Variants in STOX2 observed in about 807,000 individuals in gnomAD.
STOX2 encodes storkhead-box protein 2.
STOX2 carries 28 observed loss-of-function variants against 60.9 expected under a neutral mutation model. The observed-to-expected ratio is 0.46, with a 90% CI of 0.34 to 0.63. STOX2 has a LOEUF of 0.63. STOX2 is among the 30% of genes least tolerant of loss of function. The pLI is 0.01. For missense variants in STOX2, 1,024 were observed against 1,187.7 expected (o/e 0.86, Z 2.03); for synonymous variants, 472 against 463.9 (o/e 1.02, Z -0.22).
intron 1 of STOX2, among the ~76,000 whole-genome samples, chr4:183,867,956 T>A (rs1487159322): frequency 1.3e-5 from 2 of 152,196 alleles, no homozygotes. Context: ...TTCCCTCTGC[T>A]TTTTTATTCC....
At chr4:183,840,919 G>T (rs1739843510) in intron 1 of STOX2, among the ~76,000 whole-genome samples, 1 of 152,120 alleles carries the variant, frequency 6.6e-6, no homozygotes, top group Non-Finnish European at 1.5e-5. Flanking sequence ...CCAGGCTGGA[G>T]TGCTGTGGCG....
chr4:184,011,007 C>T lies in STOX2; in HGVS notation c.2169C>T (p.Leu723=), dbSNP rs1734137369. The T allele has an allele frequency of 1.2e-6, 2 of 1,613,482 alleles. No individual in the cohort carries two copies. Among genetic ancestry groups the T allele is most frequent in the South Asian group, 2.2e-5 (2 of 90,912 alleles). ...GCTATCACAAGTCGAGCCTGTCCCT[C>T]CTCAAATCTCACCCGAAGACACCTG... The part of the protein sequence containing the change: ...VNSYHKSSLS[L]LKSHPKTPAD... The change falls in exon 3 of 4, where the codon CTC becomes CTT. Residue 723 remains leucine (L), a synonymous_variant. Coordinates refer to ENST00000308497, the MANE Select transcript of STOX2 (RefSeq NM_020225.3). This position sits in a 1 kb window ranked among gnomAD's most constrained non-coding sequence, Gnocchi z 4.4.
At chr4:183,839,058 C>T (rs1739786041) in intron 1 of STOX2, among the ~76,000 whole-genome samples, 1 of 152,066 alleles carries the variant, frequency 6.6e-6, no homozygotes, top group African/African-American at 2.4e-5. Flanking sequence ...TGCACACACA[C>T]ACACACACAC....
chr4:183,806,821 A>C lies in STOX2; in HGVS notation c.364+8766A>C, dbSNP rs1400441096. ...AACAAACATTTATGTGTTCGTGTTC[A>C]GGACGGTAGGGCCCAGGACATGCCC... On this transcript the variant is annotated intron_variant, in intron 1 of 2. Coordinates refer to the STOX2 transcript ENST00000513034. This position sits in a 1 kb window ranked among gnomAD's most constrained non-coding sequence, Gnocchi z 4.1. 6.6e-6 allele frequency among the ~76,000 whole-genome samples: 1 copy of C among 152,028 alleles called. No individual in the cohort carries two copies. Among genetic ancestry groups the C allele is most frequent in the Non-Finnish European group, 1.5e-5 (1 of 68,034 alleles).
chr4:183,802,970 C>T (rs1040099133), intron 1 of STOX2, among the ~76,000 whole-genome samples: 1 of 152,100 alleles, frequency 6.6e-6, no homozygotes. Context: ...TGAGACTGGG[C>T]AATTTACAAA....
At chr4:183,916,973 G>C (rs369510854) in intron 1 of STOX2, among the ~76,000 whole-genome samples, 1 of 152,138 alleles carries the variant, frequency 6.6e-6, no homozygotes, top group African/African-American at 2.4e-5. Flanking sequence ...CACTTCTTGC[G>C]CACCTCTGAA....
chr4:183,932,405 T>G (rs1321762753), intron 1 of STOX2, among the ~76,000 whole-genome samples: 5 of 74,540 alleles, frequency 6.7e-5, no homozygotes, highest in Non-Finnish European at 1.3e-4. Flanking sequence ...ATACAGTATA[T>G]GTATGTATAC....
At chr4:183,947,190 A>G (rs538454200) in intron 1 of STOX2, among the ~76,000 whole-genome samples, 7 of 152,310 alleles carry the variant, frequency 4.6e-5, no homozygotes, top group South Asian at 4.1e-4. Flanking sequence ...TTAATTCTAC[A>G]TGTGCTTATA....
At chr4:183,995,409 G>T (rs1005412555) in intron 1 of STOX2, among the ~76,000 whole-genome samples, 2 of 142,136 alleles carry the variant, frequency 1.4e-5, no homozygotes, top group Non-Finnish European at 3.0e-5. Context: ...GATATTTCTT[G>T]AAAGGATGAA....
chr4:183,831,162 G>T (rs907570997), intron 1 of STOX2, among the ~76,000 whole-genome samples: 13 of 152,058 alleles, frequency 8.5e-5, no homozygotes, highest in Admixed American at 8.5e-4. Flanking sequence ...AGATTTCAGT[G>T]AGAGTTGTTT....
chr4:183,871,377 C>T (rs1265726487), intron 1 of STOX2, among the ~76,000 whole-genome samples: 1 of 152,196 alleles, frequency 6.6e-6, no homozygotes, highest in Non-Finnish European at 1.5e-5. Flanking sequence ...GTTTTTGAAC[C>T]TTGAAAAGCA....
At chr4:183,934,504 T>G (rs1431066512) in intron 1 of STOX2, among the ~76,000 whole-genome samples, 2 of 152,142 alleles carry the variant, frequency 1.3e-5, no homozygotes, top group Non-Finnish European at 2.9e-5. Flanking sequence ...TACCTTTATT[T>G]CTATATAGCC....
chr4:183,873,122 A>G (rs1740732589), intron 1 of STOX2, among the ~76,000 whole-genome samples: 1 of 152,194 alleles, frequency 6.6e-6, no homozygotes, highest in Non-Finnish European at 1.5e-5. Flanking sequence ...AGATCTGTCT[A>G]TAAGCATTTT....
At chr4:183,798,216 C>G (rs1579277707) in intron 1 of STOX2, among the ~76,000 whole-genome samples, 1 of 151,456 alleles carries the variant, frequency 6.6e-6, no homozygotes, top group African/African-American at 2.4e-5. Flanking sequence ...GGGCCCTCTG[C>G]GAGCGTGGGA....
intron 1 of STOX2, among the ~76,000 whole-genome samples, chr4:183,962,601 T>C (rs1743445249): frequency 6.6e-6 from 1 of 152,236 alleles, no homozygotes; most frequent in African/African-American, 2.4e-5. Flanking sequence ...TGTGACAGGT[T>C]CCACAATAAA....
chr4:183,907,183 G>C (rs1362017946), intron 1 of STOX2, among the ~76,000 whole-genome samples: 1 of 152,232 alleles, frequency 6.6e-6, no homozygotes, highest in East Asian at 1.9e-4. Context: ...ACGAGGGAGG[G>C]GGGACGAGCC....
chr4:183,846,181 T>C (rs1739985879), intron 1 of STOX2, among the ~76,000 whole-genome samples: 1 of 152,226 alleles, frequency 6.6e-6, no homozygotes, highest in Non-Finnish European at 1.5e-5. Context: ...TTAATCTTAC[T>C]GTGTATACCT....
At chr4:183,831,726 A>G (rs959881594) in intron 1 of STOX2, among the ~76,000 whole-genome samples, 19 of 152,310 alleles carry the variant, frequency 1.2e-4, no homozygotes, top group African/African-American at 3.8e-4. Context: ...AGCAAAATGC[A>G]CTTGTACCCC....
chr4:183,881,736 T>A (rs1740964751), intron 1 of STOX2, among the ~76,000 whole-genome samples: 1 of 152,218 alleles, frequency 6.6e-6, no homozygotes, highest in African/African-American at 2.4e-5. Flanking sequence ...ATTGTATTGC[T>A]CTCATCCTCA....
Sources: allele counts gnomAD v4.1 joint callset (sites outside exome capture counted in the v4.1 genomes callset), GRCh38; gene constraint gnomAD v4.1.1; non-coding constraint Gnocchi (gnomAD v3.1); transcripts MANE v1.5; gene names NCBI Gene and HGNC (gene_info 2026-07-23, HGNC 2026-07-21).